The following CDH26 variants were observed in gnomAD, a reference collection of about 807,000 sequenced individuals.
CDH26 encodes cadherin-like protein 26.
CDH26 carries 83 observed loss-of-function variants against 90.3 expected under a neutral mutation model. The ratio of observed to expected loss-of-function variants is 0.92; its 90% CI spans 0.77 to 1.10. The LOEUF is 1.10. Among genes scored for constraint, CDH26 ranks in the 50% least tolerant of loss-of-function variants. CDH26 has a pLI of 0.00. For synonymous variants in CDH26, 397 were observed against 396.3 expected (o/e 1.00, Z -0.02); for missense variants, 1,013 against 1,037.6 (o/e 0.98, Z 0.33).
At chr20:60,015,825 T>C (rs2061900804), downstream of CDH26, among the ~76,000 whole-genome samples, 1 of 152,192 alleles carries the variant, frequency 6.6e-6, no homozygotes, top group Admixed American at 6.5e-5. Flanking sequence ...GGAGTCTAGT[T>C]TCATTCTTCT....
chr20:59,990,645 T>C (rs2061516605), intron 9 of CDH26, among the ~76,000 whole-genome samples: 1 of 152,208 alleles, frequency 6.6e-6, no homozygotes. Flanking sequence ...GACATGACAA[T>C]GCTGATGACT....
intron 5 of CDH26, 102 bp downstream of exon 5, chr20:59,983,172 T>A (rs2061414790): frequency 7.3e-7 from 1 of 1,362,362 alleles, no homozygotes; most frequent in Non-Finnish European, 1.0e-6. Flanking sequence ...TCAGGGAGAG[T>A]TTTTACTGTT....
At chr20:60,031,776 G>A (rs1316265094) in intron 8 of CDH26, among the ~76,000 whole-genome samples, 3 of 152,160 alleles carry the variant, frequency 2.0e-5, no homozygotes, top group African/African-American at 7.2e-5. Flanking sequence ...CTGGGTGGCG[G>A]CCACTGTCTT....
At chr20:59,996,133 G>A in intron 12 of CDH26, 79 bp downstream of exon 12, 1 of 1,407,794 alleles carries the variant, frequency 7.1e-7, no homozygotes. Context: ...GCTTGCTGGG[G>A]TAGGGGACAG....
rs1569035871 is a variant in CDH26 at position 59,983,001 on chromosome 20, G to A, written c.472G>A (p.Val158Met). ...SLIFNIRISD[V>M]NDHAPQFPEK... ...GATTTTCAACATTAGGATCAGTGAT[G>A]TGAATGATCATGCACCCCAGTTTCC... is the stretch of plus-strand genomic sequence containing the variant. The change falls in exon 5 of 18, where the codon GTG becomes ATG. Residue 158 changes from valine (V) to methionine (M), a missense_variant. Val to Met is a conservative substitution (Grantham distance 21). Transcript: ENST00000348616. 1.2e-6 allele frequency: 2 copies of A among 1,614,118 alleles called. No individual in the cohort carries two copies. The highest frequency in any genetic ancestry group is 1.3e-5 in the African/African-American group (1 of 75,040).
chr20:60,008,630 G>A (rs1038167569), intron 17 of CDH26, among the ~76,000 whole-genome samples: 4 of 152,194 alleles, frequency 2.6e-5, no homozygotes, highest in Admixed American at 6.5e-5. Flanking sequence ...AGACAGGGCT[G>A]TGAACACTGT....
intron 12 of CDH26, 91 bp from the exon 13 acceptor site, chr20:59,996,540 C>T: frequency 6.2e-7 from 1 of 1,614,128 alleles, no homozygotes; most frequent in Non-Finnish European, 8.5e-7. Flanking sequence ...CAGTTCATGA[C>T]TGAGTTATAC....
chr20:60,020,512 C>T (rs1428692641), intron 7 of CDH26, among the ~76,000 whole-genome samples: 1 of 152,174 alleles, frequency 6.6e-6, no homozygotes, highest in East Asian at 1.9e-4. Flanking sequence ...TGGGCTCATC[C>T]TGAGTCACAG....
intron 7 of CDH26, among the ~76,000 whole-genome samples, chr20:60,021,881 C>CATACACAAT (rs1239688332): frequency 1.1e-5 from 1 of 86,968 alleles, no homozygotes; most frequent in Non-Finnish European, 2.7e-5. Flanking sequence ...CACACACACA[C>CATACACAAT]ACACACACAC....
At chr20:60,023,960 G>GGAGAGA (rs11086691) in intron 7 of CDH26, among the ~76,000 whole-genome samples, 2,767 of 147,238 alleles carry the variant, frequency 0.019, 30 homozygotes, top group Middle Eastern at 0.024. Context: ...GCTGACAGAG[G>GGAGAGA]GAGAGAGAGA....
intron 1 of CDH26, among the ~76,000 whole-genome samples, chr20:59,967,858 T>TC (rs2061177142): frequency 3.5e-5 from 4 of 115,024 alleles, no homozygotes; most frequent in African/African-American, 1.9e-4. Context: ...TCTTTCTTTC[T>TC]TTCTTTCTTT....
chr20:59,991,107 T>C (rs1333098071), intron 9 of CDH26, among the ~76,000 whole-genome samples: 1 of 152,020 alleles, frequency 6.6e-6, no homozygotes, highest in African/African-American at 2.4e-5. Context: ...CCCATAGAAT[T>C]TGATTGAGAG....
intron 8 of CDH26, among the ~76,000 whole-genome samples, chr20:60,033,134 C>G (rs915544103): frequency 4.6e-5 from 7 of 152,200 alleles, no homozygotes; most frequent in African/African-American, 1.7e-4. Context: ...AACACCAGCT[C>G]TATTATTCAC....
At chr20:60,031,891 G>A (rs997517498) in intron 8 of CDH26, among the ~76,000 whole-genome samples, 1 of 152,162 alleles carries the variant, frequency 6.6e-6, no homozygotes, top group Non-Finnish European at 1.5e-5. Context: ...ACCCCAACAG[G>A]CAGCTGTCTG....
At chr20:59,970,672 T>C (rs1339439890) in intron 3 of CDH26, among the ~76,000 whole-genome samples, 1 of 151,552 alleles carries the variant, frequency 6.6e-6, no homozygotes, top group African/African-American at 2.4e-5. Context: ...TAACCAGGCA[T>C]GGTTGCAGGT....
intron 7 of CDH26, among the ~76,000 whole-genome samples, chr20:60,028,976 A>G (rs774708998): frequency 1.3e-5 from 2 of 152,214 alleles, no homozygotes; most frequent in African/African-American, 4.8e-5. Context: ...CGATATAGAC[A>G]CACAAGGGGA....
At chr20:59,967,931 TTCCCTTTCTTTCTTTCTTTCTTTCTA>T (rs2145971553) in intron 1 of CDH26, among the ~76,000 whole-genome samples, 5 of 132,736 alleles carry the variant, frequency 3.8e-5, no homozygotes, top group African/African-American at 1.6e-4. Flanking sequence ...TTCCTTTCCT[TTCCCTTTCTTTCTTTCTTTCTTTCTA>T]TCTTTCTTTC....
At chr20:59,988,724 C>T (rs2061488243) in intron 8 of CDH26, among the ~76,000 whole-genome samples, 180 bp from the exon 9 acceptor site, 2 of 152,106 alleles carry the variant, frequency 1.3e-5, no homozygotes, top group African/African-American at 4.8e-5. Context: ...GAGAAAAGAA[C>T]TCCATAAATG....
rs774025399 is a variant in CDH26 at position 59,970,084 on chromosome 20, A to G, written c.129A>G (p.Glu43=). The G allele has an allele frequency of 1.9e-6, 3 of 1,612,016 alleles. No individual in the cohort carries two copies. The Admixed American group carries it at 5.0e-5, about 27-fold the overall frequency. ...ACCAGTGTCACTATAAGTTCCAGGAAAAGATCTACCAGCCTCTACGGCGAT... is the reference window on the plus strand; with the variant it reads ...ACCAGTGTCACTATAAGTTCCAGGAGAAGATCTACCAGCCTCTACGGCGAT... The part of the protein sequence containing the change: ...ETDDLTKQTK[E]KIYQPLRRSK... The change falls in exon 3 of 18, where the codon GAA becomes GAG. Residue 43 remains glutamate (E), a splice_region_variant and synonymous_variant. Coordinates refer to ENST00000348616, the MANE Select transcript of CDH26 (RefSeq NM_177980.4).
Sources: allele counts gnomAD v4.1 joint callset (sites outside exome capture counted in the v4.1 genomes callset), GRCh38; gene constraint gnomAD v4.1.1; transcripts MANE v1.5; gene names NCBI Gene and HGNC (gene_info 2026-07-23, HGNC 2026-07-21).